ABCA13: variants seen among roughly 807,000 people sequenced by gnomAD.
ABCA13 encodes the protein ATP-binding cassette sub-family A member 13.
ABCA13 carries 476 observed loss-of-function variants against 478.7 expected under a neutral mutation model. The ratio of observed to expected loss-of-function variants is 0.99; its 90% CI spans 0.92 to 1.07. ABCA13 has a LOEUF of 1.07. Ranked by LOEUF, ABCA13 falls within the 50% of genes least tolerant of loss-of-function variation. The pLI is 0.00. For missense variants in ABCA13, 6,060 were observed against 5,910.6 expected, an observed-to-expected ratio of 1.03 and a Z score of -0.83; for synonymous variants, 2,252 against 2,158.9, an observed-to-expected ratio of 1.04 and a Z score of -1.20.
intron 42 of ABCA13, 67 bp from the exon 43 acceptor site, chr7:48,454,970 A>G: frequency 7.0e-7 from 1 of 1,423,478 alleles, no homozygotes; most frequent in Non-Finnish European, 9.2e-7. Flanking sequence ...CGAGAGGGCA[A>G]ACGAGGCAAA....
chr7:48,209,674 A>G (rs1238047926), intron 3 of ABCA13, among the ~76,000 whole-genome samples: 3 of 152,308 alleles, frequency 2.0e-5, no homozygotes, highest in African/African-American at 7.2e-5. Flanking sequence ...AAGATATTCT[A>G]TGTTCATGGA....
intron 55 of ABCA13, among the ~76,000 whole-genome samples, chr7:48,558,555 C>A (rs1585803869): frequency 6.6e-6 from 1 of 152,198 alleles, no homozygotes; most frequent in South Asian, 2.1e-4. Flanking sequence ...GCCTTGGCCT[C>A]CCAAAGTGCT....
At chr7:48,343,418 A>T (rs1263719658) in intron 29 of ABCA13, among the ~76,000 whole-genome samples, 2 of 151,990 alleles carry the variant, frequency 1.3e-5, no homozygotes, top group East Asian at 3.9e-4. Flanking sequence ...GCTGATACCG[A>T]TTAGGGCCCA....
intron 41 of ABCA13, among the ~76,000 whole-genome samples, chr7:48,425,813 T>C (rs1469221922): frequency 6.6e-6 from 1 of 152,160 alleles, no homozygotes; most frequent in Non-Finnish European, 1.5e-5. Flanking sequence ...CAATCTCGGC[T>C]CACTGCAGGC....
chr7:48,461,139 C>T (rs1322921117), intron 43 of ABCA13, among the ~76,000 whole-genome samples: 1 of 152,172 alleles, frequency 6.6e-6, no homozygotes, highest in Non-Finnish European at 1.5e-5. Flanking sequence ...TTAGTAAATA[C>T]TAGGATGGAC....
chr7:48,550,826 A>G (rs979066458), intron 55 of ABCA13, among the ~76,000 whole-genome samples: 1 of 151,252 alleles, frequency 6.6e-6, no homozygotes, highest in East Asian at 1.9e-4. Context: ...TCCCCACACT[A>G]TCAGTGTGCA....
chr7:48,180,822 A>G (rs1008585516), intron 1 of ABCA13, among the ~76,000 whole-genome samples: 11 of 152,164 alleles, frequency 7.2e-5, no homozygotes, highest in Non-Finnish European at 1.0e-4. Context: ...GGATCGCTTC[A>G]GCCCAGGAGT....
At chr7:48,513,837 A>G (rs1585662398) in intron 51 of ABCA13, among the ~76,000 whole-genome samples, 1 of 152,194 alleles carries the variant, frequency 6.6e-6, no homozygotes, top group South Asian at 2.1e-4. Context: ...AAAGATAACT[A>G]ATGAAAATGT....
intron 45 of ABCA13, among the ~76,000 whole-genome samples, chr7:48,475,448 T>G (rs1413538480): frequency 1.3e-5 from 2 of 150,636 alleles, no homozygotes; most frequent in Non-Finnish European, 2.9e-5. Flanking sequence ...TGCAAGAGCA[T>G]GTCAATTTAA....
intron 15 of ABCA13, among the ~76,000 whole-genome samples, chr7:48,258,710 T>G (rs747843941): frequency 6.6e-6 from 1 of 152,200 alleles, no homozygotes; most frequent in Non-Finnish European, 1.5e-5. Context: ...TGTTAGGTTA[T>G]GAATTTTATA....
chr7:48,204,257 T>C (rs1784622620), intron 3 of ABCA13, among the ~76,000 whole-genome samples: 1 of 151,920 alleles, frequency 6.6e-6, no homozygotes, highest in South Asian at 2.1e-4. Flanking sequence ...CTGCCCAGGC[T>C]GGAGTGCAGT....
chr7:48,460,999 T>A (rs1826183893), intron 43 of ABCA13, among the ~76,000 whole-genome samples: 1 of 152,254 alleles, frequency 6.6e-6, no homozygotes. Context: ...TCTATGTATG[T>A]GGCATCTTTA....
chr7:48,238,596 G>A (rs1168089659), intron 8 of ABCA13, among the ~76,000 whole-genome samples: 1 of 151,994 alleles, frequency 6.6e-6, no homozygotes, highest in African/African-American at 2.4e-5. Context: ...AGCCTCCTGA[G>A]TAGCTGGGAC....
chr7:48,247,043 T>C (rs532142167), intron 13 of ABCA13, among the ~76,000 whole-genome samples: 1 of 152,112 alleles, frequency 6.6e-6, no homozygotes, highest in African/African-American at 2.4e-5. Context: ...AAGACCAACC[T>C]GGGCAACATA....
chr7:48,177,600 C>T (rs373721537), intron 1 of ABCA13, among the ~76,000 whole-genome samples: 1 of 152,200 alleles, frequency 6.6e-6, no homozygotes, highest in African/African-American at 2.4e-5. Flanking sequence ...GAACTATTCT[C>T]GTTTCCAGCA....
intron 48 of ABCA13, among the ~76,000 whole-genome samples, chr7:48,498,365 G>T (rs1326465829): frequency 6.6e-6 from 1 of 152,078 alleles, no homozygotes; most frequent in East Asian, 1.9e-4. Context: ...GGAGACTTTG[G>T]CAATGCCTTG....
At chr7:48,367,038 TGG>T (rs1811785720) in intron 31 of ABCA13, among the ~76,000 whole-genome samples, 2 of 152,080 alleles carry the variant, frequency 1.3e-5, no homozygotes, top group African/African-American at 2.4e-5. Flanking sequence ...AATTATTATG[TGG>T]ATTTAGAGCT....
intron 59 of ABCA13, among the ~76,000 whole-genome samples, chr7:48,637,907 G>A (rs527744212): frequency 2.0e-5 from 3 of 152,134 alleles, no homozygotes; most frequent in South Asian, 4.1e-4. Context: ...CATCTGCAGG[G>A]GTGTTAGAGT....
At chr7:48,281,494 C>T (rs2128782087) in intron 19 of ABCA13, 42 bp downstream of exon 19, 1 of 1,518,916 alleles carries the variant, frequency 6.6e-7, no homozygotes, top group Non-Finnish European at 9.0e-7. Flanking sequence ...TTGCCCTGTG[C>T]CAGTTTTCAG....
Sources: allele counts gnomAD v4.1 joint callset (sites outside exome capture counted in the v4.1 genomes callset), GRCh38; gene constraint gnomAD v4.1.1; transcripts MANE v1.5; gene names NCBI Gene and HGNC (gene_info 2026-07-23, HGNC 2026-07-21).